ZNF787: variants seen among roughly 807,000 people sequenced by gnomAD.
ZNF787 encodes the protein TTF-I-interacting peptide 20.
Under a neutral mutation model 16.9 loss-of-function variants are expected in ZNF787, and 7 were observed. The observed-to-expected ratio is 0.42, with a 90% CI of 0.24 to 0.78. The LOEUF (loss-of-function observed/expected upper bound fraction) is 0.78, where lower values mean the gene tolerates loss of function less well. Among genes scored for constraint, ZNF787 ranks in the 30% least tolerant of loss-of-function variants. The pLI, the probability that ZNF787 is intolerant of heterozygous loss-of-function variation, is 0.30. For synonymous variants in ZNF787, 345 were observed against 270.9 expected (o/e 1.27, Z -2.69); for missense variants, 551 against 589.3 (o/e 0.94, Z 0.67).
intron 1 of ZNF787, among the ~76,000 whole-genome samples, chr19:56,107,407 C>A (rs896851334): frequency 6.6e-6 from 1 of 152,144 alleles, no homozygotes. Flanking sequence ...TGAGCACCTG[C>A]GAGGACCAGC....
At chr19:56,110,549 G>C (rs2029952174) in intron 1 of ZNF787, among the ~76,000 whole-genome samples, 1 of 151,434 alleles carries the variant, frequency 6.6e-6, no homozygotes, top group African/African-American at 2.4e-5. Flanking sequence ...GAAAAAAAGG[G>C]AAGAGAGCAG....
rs951263034 is a variant in ZNF787, at chr19:56,088,078, T to C, written c.1094A>G (p.Asp365Gly). Residue 365 changes from aspartate (D) to glycine (G), a missense_variant, in exon 3 of 3, where the codon GAC becomes GGC. By Grantham distance (94) the Asp-to-Gly change is moderately conservative. This residue lies in a region of ZNF787 where 392 missense variants were observed against 312.7 expected (regional missense o/e 1.25). Transcript: ENST00000610935. This position sits in a 1 kb window ranked among gnomAD's most constrained non-coding sequence, Gnocchi z 8.6. ...GCACCGCCCGCCCGCGGCCTCGTCG[T>C]CGTCGTCCTCCTCCTCCCCGCCCGC... ...YRAGGEEEDD[D>G]DEAAGGRCPE... 2 of 1,305,258 alleles carry C rather than the reference T, an allele frequency of 1.5e-6. No homozygotes were observed. Among genetic ancestry groups the C allele is most frequent in the Non-Finnish European group, 2.0e-6 (2 of 1,006,914 alleles). 80.9% of individuals were successfully genotyped at this position (1,305,258 alleles called of 1,614,324 possible).
chr19:56,091,714 G>A (rs1985581671), intron 2 of ZNF787, among the ~76,000 whole-genome samples: 1 of 152,198 alleles, frequency 6.6e-6, no homozygotes, highest in African/African-American at 2.4e-5. Context: ...CTGTTAAATG[G>A]ACAGGGTTTA....
chr19:56,097,574 G>A (rs1985918806), intron 2 of ZNF787, among the ~76,000 whole-genome samples: 1 of 152,252 alleles, frequency 6.6e-6, no homozygotes, highest in Non-Finnish European at 1.5e-5. Flanking sequence ...GAGGCAGGAG[G>A]AGGAAACACC....
chr19:56,088,105 C>T lies in ZNF787; in HGVS notation c.1067G>A (p.Arg356His). 1 of 1,524,888 alleles carries T rather than the reference C, an allele frequency of 6.6e-7. No homozygotes were observed. The highest frequency in any genetic ancestry group is 1.2e-5 in the South Asian group (1 of 84,174). 94.5% of individuals were successfully genotyped at this position (1,524,888 alleles called of 1,614,324 possible). ...GTCGTCCTCCTCCTCCCCGCCCGCG[C>T]GGTAGTAGCTCTGTCCGCAGCTGCT... ...VCSSCGQSYY[R>H]AGGEEEDDDD... Residue 356 changes from arginine to histidine, a missense_variant, in exon 3 of 3, where the codon CGC becomes CAC. This residue lies in a region of ZNF787 where 392 missense variants were observed against 312.7 expected (regional missense o/e 1.25). Coordinates refer to ENST00000610935, the MANE Select transcript of ZNF787 (RefSeq NM_001002836.4). The surrounding 1 kb of genome is among the most constrained non-coding windows in gnomAD (Gnocchi z 8.6).
At position 56,087,679 on chromosome 19, in the gene ZNF787, C is replaced by T. The variant is rs1011898652; in HGVS notation, c.*344G>A. 71 of 181,012 alleles carry T rather than the reference C, an allele frequency of 3.9e-4. No homozygotes were observed. Among genetic ancestry groups the T allele is most frequent in the Non-Finnish European group, 6.8e-4 (60 of 87,728 alleles). 11.2% of individuals were successfully genotyped at this position (181,012 alleles called of 1,614,324 possible). On this transcript the variant is annotated 3_prime_UTR_variant, in exon 3 of 3. Transcript: ENST00000610935. Reference sequence around the variant, plus strand: ...TCCTCGCAGCACCCCCCACCCCCGCCCCGGACAACTGAGGAAGAGCAGGGA... The same window carrying T: ...TCCTCGCAGCACCCCCCACCCCCGCTCCGGACAACTGAGGAAGAGCAGGGA...
intron 2 of ZNF787, 63 bp downstream of exon 2, chr19:56,103,076 C>G (rs1280775918): frequency 1.9e-6 from 3 of 1,572,336 alleles, no homozygotes; most frequent in Admixed American, 3.3e-5. Context: ...CACCCAGAGG[C>G]AAAGGAAGCC....
At chr19:56,098,223 C>T (rs1036124159) in intron 2 of ZNF787, among the ~76,000 whole-genome samples, 10 of 152,196 alleles carry the variant, frequency 6.6e-5, no homozygotes, top group East Asian at 1.9e-4. Context: ...GGGACATGGC[C>T]GGGAGCTACC....
At chr19:56,098,966 T>C (rs1008764885) in intron 2 of ZNF787, among the ~76,000 whole-genome samples, 2 of 152,128 alleles carry the variant, frequency 1.3e-5, no homozygotes, top group East Asian at 3.9e-4. Flanking sequence ...ACCCACCACC[T>C]GGGGCTGAGG....
At chr19:56,090,147 G>A (rs1347569993) in intron 2 of ZNF787, among the ~76,000 whole-genome samples, 1 of 152,146 alleles carries the variant, frequency 6.6e-6, no homozygotes, top group Non-Finnish European at 1.5e-5. Context: ...ACCTGGCACG[G>A]TGGTGCCCAG....
In ZNF787 at chr19:56,087,887, GA is replaced by G; in HGVS notation, c.*135del. On this transcript the variant is annotated 3_prime_UTR_variant, in exon 3 of 3. Coordinates refer to ENST00000610935, the MANE Select transcript of ZNF787 (RefSeq NM_001002836.4). Reference sequence around the variant, plus strand: ...CCCCCCCACGGACGGCGCAGGGACAGAGGAGGGCGGGGAGCCGGGGATGCCG... The same window carrying G: ...CCCCCCCACGGACGGCGCAGGGACAGGGAGGGCGGGGAGCCGGGGATGCCG... The G allele has an allele frequency of 7.9e-7, 1 of 1,261,286 alleles. No individual in the cohort carries two copies. The highest frequency in any genetic ancestry group is 2.3e-5 in the South Asian group (1 of 43,432). The allele number at this position is 1,261,286 out of a possible 1,614,324, so 78.1% of individuals were successfully genotyped here. A position where few individuals can be genotyped will look rare whatever the true frequency, so the allele number is the denominator to read the frequency against.
chr19:56,104,695 C>T (rs1986235004), intron 1 of ZNF787, among the ~76,000 whole-genome samples: 1 of 152,100 alleles, frequency 6.6e-6, no homozygotes, highest in Admixed American at 6.5e-5. Flanking sequence ...CACACCAACA[C>T]CAACCTGTGC....
At chr19:56,119,869 G>A (rs2030236964) in intron 1 of ZNF787, among the ~76,000 whole-genome samples, 1 of 152,258 alleles carries the variant, frequency 6.6e-6, no homozygotes, top group South Asian at 2.1e-4. Flanking sequence ...GGTCTTCAGA[G>A]GAGCTAAGCC....
chr19:56,113,999 C>T (rs1054972207), intron 1 of ZNF787, among the ~76,000 whole-genome samples: 24 of 152,164 alleles, frequency 1.6e-4, no homozygotes, highest in Middle Eastern at 3.4e-3. Flanking sequence ...TTTAAAAGGG[C>T]AAATTGTACA....
Position 56,087,922 on chromosome 19 carries a change from ATCGCACCCCGTCCGCT to A in ZNF787, c.*85_*100del, listed in dbSNP as rs1006297901. 3.1e-5 allele frequency: 40 copies of A among 1,284,310 alleles called. No individual in the cohort carries two copies. The highest frequency in any genetic ancestry group is 3.9e-5 in the Non-Finnish European group (40 of 1,016,640). The allele number at this position is 1,284,310 out of a possible 1,614,324, so 79.6% of individuals were successfully genotyped here. ...GGGAGCCGGGGATGCCGCGGGGTCC[ATCGCACCCCGTCCGCT>A]TCTCCCTGGGTCTCTTGGTCTTGCA... is the stretch of plus-strand genomic sequence containing the variant. On this transcript the variant is annotated 3_prime_UTR_variant, in exon 3 of 3. Transcript: ENST00000610935.
chr19:56,108,278 A>T (rs1315535646), intron 1 of ZNF787, among the ~76,000 whole-genome samples: 1 of 56,092 alleles, frequency 1.8e-5, no homozygotes, highest in Admixed American at 2.0e-4. Context: ...GGCTCCCTCC[A>T]CCCCGCCCCT....
chr19:56,096,040 G>A (rs1040488531), intron 2 of ZNF787, among the ~76,000 whole-genome samples: 2 of 152,072 alleles, frequency 1.3e-5, no homozygotes, highest in Non-Finnish European at 2.9e-5. Flanking sequence ...GTGTTTTTAT[G>A]CAGGGATACA....
At chr19:56,101,280 G>A (rs1373083815) in intron 2 of ZNF787, among the ~76,000 whole-genome samples, 1 of 152,270 alleles carries the variant, frequency 6.6e-6, no homozygotes, top group Non-Finnish European at 1.5e-5. Context: ...CACCAGAGCA[G>A]CTTGGGAGCG....
In ZNF787 at chr19:56,088,994, G is replaced by C; in HGVS notation, c.178C>G (p.Pro60Ala). 1 of 1,496,276 alleles carries C rather than the reference G, an allele frequency of 6.7e-7. No individual in the cohort carries two copies. Among genetic ancestry groups the C allele is most frequent in the South Asian group, 1.4e-5 (1 of 73,160 alleles). 92.7% of individuals were successfully genotyped at this position (1,496,276 alleles called of 1,614,324 possible). ...CAGATGTAGGGGGCGGGCGGCCGCGGCCGGGGAGGCGGGCCGGCTGGGGGC... is the reference window on the plus strand; with the variant it reads ...CAGATGTAGGGGGCGGGCGGCCGCGCCCGGGGAGGCGGGCCGGCTGGGGGC... Reference protein sequence around the residue: ...SAPPAGPPPRPRPPAPYICNE... With the variant: ...SAPPAGPPPRARPPAPYICNE... Residue 60 changes from proline (P) to alanine (A), a missense_variant, in exon 3 of 3, where the codon CCG becomes GCG. This residue lies in a region of ZNF787 where 80 missense variants were observed against 105.9 expected (regional missense o/e 0.76). Coordinates refer to ENST00000610935, the MANE Select transcript of ZNF787 (RefSeq NM_001002836.4). The surrounding 1 kb of genome is among the most constrained non-coding windows in gnomAD (Gnocchi z 8.6).
Sources: allele counts gnomAD v4.1 joint callset (sites outside exome capture counted in the v4.1 genomes callset), GRCh38; gene constraint gnomAD v4.1.1; regional missense constraint gnomAD v4.1.1; non-coding constraint Gnocchi (gnomAD v3.1); transcripts MANE v1.5; gene names NCBI Gene and HGNC (gene_info 2026-07-23, HGNC 2026-07-21).